Variants in ADAMTS19 observed in about 807,000 individuals in gnomAD.
ADAMTS19 encodes ADAM metallopeptidase with thrombospondin type 1 motif 19, also known as A disintegrin and metalloproteinase with thrombospondin motifs 19.
A neutral mutation model predicts 153.3 loss-of-function variants in ADAMTS19; 93 were observed. The ratio of observed to expected loss-of-function variants is 0.61; its 90% CI spans 0.51 to 0.72. The LOEUF is 0.72. ADAMTS19 is among the 30% of genes least tolerant of loss of function. ADAMTS19 has a pLI of 0.00. For missense variants in ADAMTS19, 1,482 were observed against 1,552.1 expected (o/e 0.95, Z 0.76); for synonymous variants, 600 against 556.6 (o/e 1.08, Z -1.10).
At chr5:129,462,409 C>T (rs1749705621) in intron 2 of ADAMTS19, among the ~76,000 whole-genome samples, 1 of 152,158 alleles carries the variant, frequency 6.6e-6, no homozygotes, top group Non-Finnish European at 1.5e-5. Context: ...CTGTGATTTA[C>T]ATTTCATTTG....
chr5:129,539,724 T>A (rs1752592736), intron 6 of ADAMTS19, among the ~76,000 whole-genome samples: 1 of 152,158 alleles, frequency 6.6e-6, no homozygotes, highest in Non-Finnish European at 1.5e-5. Flanking sequence ...TATATGGTTG[T>A]AAACATGTGC....
chr5:129,653,178 G>A (rs985068540), intron 13 of ADAMTS19, among the ~76,000 whole-genome samples: 1 of 152,144 alleles, frequency 6.6e-6, no homozygotes, highest in Admixed American at 6.6e-5. Context: ...ATCAGCATAC[G>A]TGGAACTTTA....
At chr5:129,686,640 G>A (rs1317721774) in intron 18 of ADAMTS19, among the ~76,000 whole-genome samples, 2 of 152,048 alleles carry the variant, frequency 1.3e-5, no homozygotes, top group African/African-American at 4.8e-5. Flanking sequence ...TTAGGAGAAA[G>A]AAGGTGCCAA....
At chr5:129,698,381 C>A (rs1436022519) in intron 19 of ADAMTS19, among the ~76,000 whole-genome samples, 4 of 152,118 alleles carry the variant, frequency 2.6e-5, no homozygotes, top group Non-Finnish European at 4.4e-5. Flanking sequence ...TAAAAAAATT[C>A]TAATTCCCAT....
Position 129,737,138 on chromosome 5 carries a change from T to C in ADAMTS19, c.3562T>C (p.Cys1188Arg). The change falls in exon 23 of 23, where the codon TGT (cysteine) becomes CGT (arginine). Residue 1188 changes from cysteine to arginine, a missense_variant. By Grantham distance (180) the Cys-to-Arg change is radical. This residue lies in a region of ADAMTS19 where 616 missense variants were observed against 724.4 expected (regional missense o/e 0.85). Transcript: ENST00000274487. ...CCGAGTGATACGTGAAAAGAACCTATGTCAGGACATGCGGTGGTATCAGCG... is the reference window on the plus strand; with the variant it reads ...CCGAGTGATACGTGAAAAGAACCTACGTCAGGACATGCGGTGGTATCAGCG... ...YCRVIREKNL[C>R]QDMRWYQRCC... The C allele has an allele frequency of 6.2e-7, 1 of 1,612,106 alleles. No homozygotes were observed. Among genetic ancestry groups the C allele is most frequent in the Non-Finnish European group, 8.5e-7 (1 of 1,178,722 alleles).
At position 129,551,846 on chromosome 5, in the gene ADAMTS19, T is replaced by C; in HGVS notation, c.1329-18T>C. 6.6e-7 allele frequency: 1 copy of C among 1,522,176 alleles called. No individual in the cohort carries two copies. Among genetic ancestry groups the C allele is most frequent in the Non-Finnish European group, 8.9e-7 (1 of 1,118,782 alleles). 94.3% of individuals were successfully genotyped at this position (1,522,176 alleles called of 1,614,324 possible). A position where few individuals can be genotyped will look rare whatever the true frequency, so the allele number is the denominator to read the frequency against. On this transcript the variant is annotated intron_variant, in intron 6 of 22. Transcript: ENST00000274487. Reference sequence around the variant, plus strand: ...AAAATAATTTATCTTTATTTCAGTTTTCTATTTTTCTTTCTAGGAAAGATT... The same window carrying C: ...AAAATAATTTATCTTTATTTCAGTTCTCTATTTTTCTTTCTAGGAAAGATT...
chr5:129,700,080 T>C (rs545987301), intron 19 of ADAMTS19, among the ~76,000 whole-genome samples: 10 of 152,270 alleles, frequency 6.6e-5, no homozygotes, highest in African/African-American at 2.4e-4. Context: ...TAATGAGAAA[T>C]ACAGGGAAGA....
At position 129,737,658 on chromosome 5, in the gene ADAMTS19, C is replaced by T. The variant is rs1315912318; in HGVS notation, c.*440C>T. ...TTGGTGTCCTGCTGCAGAATTAGCC[C>T]ATTTTCTGTCACCTGCAGGAGATGT... is the stretch of plus-strand genomic sequence containing the variant. On this transcript the variant is annotated 3_prime_UTR_variant, in exon 23 of 23. Transcript: ENST00000274487. The T allele has an allele frequency of 1.3e-5, 2 of 152,466 alleles. No homozygotes were observed. The highest frequency in any genetic ancestry group is 6.6e-5 in the Admixed American group (1 of 15,230). 9.4% of individuals were successfully genotyped at this position (152,466 alleles called of 1,614,324 possible).
intron 8 of ADAMTS19, among the ~76,000 whole-genome samples, chr5:129,612,561 C>T (rs1000498828): frequency 6.6e-6 from 1 of 152,130 alleles, no homozygotes; most frequent in Non-Finnish European, 1.5e-5. Context: ...AAAGGAACAG[C>T]TGGTACCAGC....
At chr5:129,658,115 T>TTTG (rs1753623880) in intron 14 of ADAMTS19, among the ~76,000 whole-genome samples, 1 of 151,698 alleles carries the variant, frequency 6.6e-6, no homozygotes, top group Non-Finnish European at 1.5e-5. Flanking sequence ...TGAAACCTTG[T>TTTG]CTCAACAAAA....
intron 18 of ADAMTS19, among the ~76,000 whole-genome samples, chr5:129,687,410 C>T (rs1169145964): frequency 6.6e-6 from 1 of 152,144 alleles, no homozygotes; most frequent in African/African-American, 2.4e-5. Context: ...GAAGCTGCAT[C>T]AGAAGGAGTT....
intron 18 of ADAMTS19, among the ~76,000 whole-genome samples, chr5:129,694,138 G>T (rs1004021374): frequency 1.2e-4 from 18 of 152,098 alleles, no homozygotes; most frequent in African/African-American, 3.9e-4. Flanking sequence ...TTTGTATCTT[G>T]CTAATTTATG....
chr5:129,649,270 T>A (rs559160589), intron 13 of ADAMTS19, among the ~76,000 whole-genome samples: 17 of 152,240 alleles, frequency 1.1e-4, no homozygotes, highest in Non-Finnish European at 2.4e-4. Flanking sequence ...GATTGTAAAA[T>A]CGTGCAGCCA....
rs77703826 is a variant in ADAMTS19 at position 129,718,626 on chromosome 5, C to T, written c.3312+14235C>T. On this transcript the variant is annotated intron_variant, in intron 21 of 22. Transcript: ENST00000274487. Reference sequence around the variant, plus strand: ...TATACATAAATGAATAGGAATGCAGCGCTAATAATTTCCAGTAGAAGTCAT... The same window carrying T: ...TATACATAAATGAATAGGAATGCAGTGCTAATAATTTCCAGTAGAAGTCAT... Among the ~76,000 whole-genome samples the T allele has an allele frequency of 4.6e-5, 7 of 152,236 alleles. No individual in the cohort carries two copies. The East Asian group carries it at 9.7e-4, about 21-fold the overall frequency.
chr5:129,723,000 T>C (rs1473171510), intron 21 of ADAMTS19, among the ~76,000 whole-genome samples: 1 of 152,188 alleles, frequency 6.6e-6, no homozygotes, highest in African/African-American at 2.4e-5. Flanking sequence ...ACATTTTCAT[T>C]TTCTCTCATT....
At chr5:129,669,453 C>T (rs895750378) in intron 16 of ADAMTS19, among the ~76,000 whole-genome samples, 3 of 152,052 alleles carry the variant, frequency 2.0e-5, no homozygotes, top group African/African-American at 7.2e-5. Context: ...TTGATTATAA[C>T]AGCCTCACTT....
intron 2 of ADAMTS19, among the ~76,000 whole-genome samples, chr5:129,472,006 A>G (rs1037229867): frequency 2.0e-5 from 3 of 152,380 alleles, no homozygotes; most frequent in East Asian, 1.9e-4. Context: ...TAGTGCTGCA[A>G]TGAACTCACA....
At chr5:129,649,116 C>A in intron 13 of ADAMTS19, 146 bp downstream of exon 13, 2 of 719,590 alleles carry the variant, frequency 2.8e-6, no homozygotes, top group Non-Finnish European at 4.4e-6. Context: ...ATATAATAAC[C>A]ACAAGCACTG....
chr5:129,720,168 ATATT>A (rs1190554908), intron 21 of ADAMTS19, among the ~76,000 whole-genome samples: 1 of 128,196 alleles, frequency 7.8e-6, no homozygotes, highest in Non-Finnish European at 1.6e-5. Context: ...ATATATATAT[ATATT>A]TATTTTTTTT....
Sources: allele counts gnomAD v4.1 joint callset (sites outside exome capture counted in the v4.1 genomes callset), GRCh38; gene constraint gnomAD v4.1.1; regional missense constraint gnomAD v4.1.1; transcripts MANE v1.5; gene names NCBI Gene and HGNC (gene_info 2026-07-23, HGNC 2026-07-21).